BORCS5: variants seen among roughly 807,000 people sequenced by gnomAD.
BORCS5 encodes the protein BLOC-1 related complex subunit 5, also known as BLOC-1-related complex subunit 5.
In BORCS5, 17 loss-of-function variants were observed where a neutral mutation model predicts 22.1. That is an observed-to-expected ratio of 0.77 (90% CI 0.53 to 1.15). BORCS5 has a LOEUF of 1.15. Among genes scored for constraint, BORCS5 ranks in the 50% most tolerant of loss-of-function variants. The pLI, the probability that BORCS5 is intolerant of heterozygous loss-of-function variation, is 0.00. For missense variants in BORCS5, 247 were observed against 253.2 expected, an observed-to-expected ratio of 0.98 and a Z score of 0.17; for synonymous variants, 117 against 99.8, an observed-to-expected ratio of 1.17 and a Z score of -1.03.
rs1023757998 is a variant in BORCS5, at chr12:12,431,379, T to C, written c.203-4249T>C. Among the ~76,000 whole-genome samples the C allele has an allele frequency of 1.4e-4, 21 of 152,114 alleles. No homozygotes were observed. The East Asian group carries it at 3.5e-3, about 25-fold the overall frequency. On this transcript the variant is annotated intron_variant, in intron 2 of 3. Transcript: ENST00000314565. ...TCTGTGAAATATCTTTTCATAACTT[T>C]TGTTCATCTTTCTTTTGCTAATTCT...
intron 2 of BORCS5, among the ~76,000 whole-genome samples, chr12:12,386,742 T>G (rs1180940379): frequency 1.3e-5 from 2 of 151,222 alleles, no homozygotes; most frequent in East Asian, 3.9e-4. Flanking sequence ...AGTGCTGGGA[T>G]TACAGGTGCC....
rs565499096 is a variant in BORCS5, at chr12:12,403,718, C to T, written c.203-31910C>T. 7.0e-4 allele frequency among the ~76,000 whole-genome samples: 107 copies of T among 152,230 alleles called. 1 individual carries two copies. Among genetic ancestry groups the T allele is most frequent in the Non-Finnish European group, 1.3e-3 (89 of 68,012 alleles). ...TTGGAACGTGGAAACCCATTCCCTCCCTCAGCCCTGGGATTGGAATCTTTG... is the reference window on the plus strand; with the variant it reads ...TTGGAACGTGGAAACCCATTCCCTCTCTCAGCCCTGGGATTGGAATCTTTG... On this transcript the variant is annotated intron_variant, in intron 2 of 3. Transcript: ENST00000314565.
chr12:12,408,698 A>G (rs1355522787), intron 2 of BORCS5, among the ~76,000 whole-genome samples: 1 of 152,188 alleles, frequency 6.6e-6, no homozygotes, highest in Non-Finnish European at 1.5e-5. Context: ...TGTCCTCAAG[A>G]TTCACCCATG....
intron 2 of BORCS5, among the ~76,000 whole-genome samples, chr12:12,425,203 TATG>T (rs1303482207): frequency 6.6e-6 from 1 of 152,222 alleles, no homozygotes; most frequent in Non-Finnish European, 1.5e-5. Context: ...CTGGTGCTAT[TATG>T]ATGACAGCTG....
intron 2 of BORCS5, among the ~76,000 whole-genome samples, chr12:12,431,687 A>G (rs1487946811): frequency 2.0e-5 from 3 of 151,884 alleles, no homozygotes; most frequent in Admixed American, 2.0e-4. Flanking sequence ...GGCGTGAGCC[A>G]CTGCGCCTGG....
intron 2 of BORCS5, among the ~76,000 whole-genome samples, chr12:12,418,073 G>C (rs1942016429): frequency 6.6e-6 from 1 of 150,932 alleles, no homozygotes; most frequent in Admixed American, 6.6e-5. Context: ...GCCCAGGCTG[G>C]AGTGCAGTGA....
intron 2 of BORCS5, among the ~76,000 whole-genome samples, chr12:12,428,925 C>T (rs1341658214): frequency 1.3e-5 from 2 of 151,878 alleles, no homozygotes; most frequent in Admixed American, 6.6e-5. Context: ...TAAAACTATA[C>T]AAAAAATAAT....
At position 12,357,336 on chromosome 12, in the gene BORCS5, G is replaced by A; in HGVS notation, c.-116G>A. 1.3e-6 allele frequency: 2 copies of A among 1,481,752 alleles called. No homozygotes were observed. Among genetic ancestry groups the A allele is most frequent in the Non-Finnish European group, 1.8e-6 (2 of 1,110,196 alleles). 91.8% of individuals were successfully genotyped at this position (1,481,752 alleles called of 1,614,324 possible). A position where few individuals can be genotyped will look rare whatever the true frequency, so the allele number is the denominator to read the frequency against. On this transcript the variant is annotated 5_prime_UTR_variant, in exon 1 of 4. Coordinates refer to ENST00000314565, the MANE Select transcript of BORCS5 (RefSeq NM_058169.6). ...AGCCCCACACATTAGCCTCGCTGCG[G>A]CGCCCAGACTCTGCTTTGCCTCCCC...
At chr12:12,440,327 A>G (rs1338141216) in intron 3 of BORCS5, among the ~76,000 whole-genome samples, 1 of 152,198 alleles carries the variant, frequency 6.6e-6, no homozygotes, top group East Asian at 1.9e-4. Context: ...CTTAACTACT[A>G]GTTTCTTTAA....
chr12:12,441,486 T>C (rs1323087780), intron 3 of BORCS5, among the ~76,000 whole-genome samples: 1 of 152,178 alleles, frequency 6.6e-6, no homozygotes, highest in African/African-American at 2.4e-5. Context: ...CAATGAGTTA[T>C]TCTTGGTACA....
chr12:12,387,814 T>A (rs531451635), intron 2 of BORCS5, among the ~76,000 whole-genome samples: 6 of 151,606 alleles, frequency 4.0e-5, no homozygotes, highest in African/African-American at 1.5e-4. Flanking sequence ...AGACTCACAT[T>A]CATCCACAGT....
At chr12:12,401,839 A>G (rs1941484169) in intron 2 of BORCS5, among the ~76,000 whole-genome samples, 1 of 152,078 alleles carries the variant, frequency 6.6e-6, no homozygotes, top group African/African-American at 2.4e-5. Flanking sequence ...CGGGCGGATC[A>G]CGAGGTCAGA....
intron 2 of BORCS5, among the ~76,000 whole-genome samples, chr12:12,392,909 C>T (rs139728940): frequency 3.0e-4 from 46 of 152,062 alleles, no homozygotes; most frequent in African/African-American, 1.0e-3. Flanking sequence ...CAAACCAAAA[C>T]TGTAATCTGC....
intron 2 of BORCS5, among the ~76,000 whole-genome samples, chr12:12,411,231 G>C (rs1032126811): frequency 6.6e-6 from 1 of 152,134 alleles, no homozygotes. Context: ...TCTCCTGCCT[G>C]ATTGCCCTGG....
At chr12:12,367,515 T>C (rs1161046123) in intron 2 of BORCS5, among the ~76,000 whole-genome samples, 3 of 152,256 alleles carry the variant, frequency 2.0e-5, no homozygotes, top group African/African-American at 7.2e-5. Flanking sequence ...GTATTTGTAA[T>C]AGCTCTTCAG....
At position 12,469,097 on chromosome 12, in the gene BORCS5, A is replaced by C. The variant is rs1314243267; in HGVS notation, c.*3321A>C. ...GCCGGGCGCGGTGGCTCACACCTGT[A>C]ATCCCAGCACTTTGGGAGGCCGAGA... On this transcript the variant is annotated 3_prime_UTR_variant, in exon 4 of 4. Coordinates refer to ENST00000314565, the MANE Select transcript of BORCS5 (RefSeq NM_058169.6). 1.3e-5 allele frequency: 2 copies of C among 152,262 alleles called. No individual in the cohort carries two copies. The highest frequency in any genetic ancestry group is 1.3e-4 in the Admixed American group (2 of 15,280). 9.4% of individuals were successfully genotyped at this position (152,262 alleles called of 1,614,324 possible).
intron 2 of BORCS5, among the ~76,000 whole-genome samples, chr12:12,365,949 G>C (rs927212355): frequency 6.6e-6 from 1 of 152,150 alleles, no homozygotes; most frequent in African/African-American, 2.4e-5. Flanking sequence ...AGCGTGGTGG[G>C]TATGAGGTTG....
At chr12:12,417,532 T>C (rs779229995) in intron 2 of BORCS5, among the ~76,000 whole-genome samples, 1 of 152,204 alleles carries the variant, frequency 6.6e-6, no homozygotes, top group Non-Finnish European at 1.5e-5. Context: ...TTGGTGGTTC[T>C]AGTCATTATT....
At position 12,357,249 on chromosome 12, in the gene BORCS5, G is replaced by A. The variant is rs1464541171; in HGVS notation, c.-203G>A. ...TCGCGCCGCGCCTCCTTGCGTTTCTGTTCCCCAAATAGGGCCTCTCCTTCT... is the reference window on the plus strand; with the variant it reads ...TCGCGCCGCGCCTCCTTGCGTTTCTATTCCCCAAATAGGGCCTCTCCTTCT... On this transcript the variant is annotated 5_prime_UTR_variant, in exon 1 of 4. Transcript: ENST00000314565. The A allele has an allele frequency of 1.9e-5, 28 of 1,470,502 alleles. No individual in the cohort carries two copies. The South Asian group carries it at 3.8e-4, about 20-fold the overall frequency. 91.1% of individuals were successfully genotyped at this position (1,470,502 alleles called of 1,614,324 possible).
Sources: gnomAD v4.1 joint callset for allele counts (sites outside exome capture counted in the v4.1 genomes callset) on GRCh38, gnomAD v4.1.1 for gene constraint, MANE v1.5 for transcripts, NCBI Gene and HGNC (gene_info 2026-07-23, HGNC 2026-07-21) for gene names.